MOB3B: variants seen among roughly 807,000 people sequenced by gnomAD.
The protein encoded by MOB3B is MOB kinase activator-like 2B.
A neutral mutation model predicts 18.7 loss-of-function variants in MOB3B; 7 were observed. The observed-to-expected ratio is 0.37, with a 90% CI of 0.21 to 0.70. The LOEUF (loss-of-function observed/expected upper bound fraction) is 0.70, where lower values mean the gene tolerates loss of function less well. Ranked by LOEUF, MOB3B falls within the 30% of genes least tolerant of loss-of-function variation. MOB3B has a pLI of 0.52. For synonymous variants in MOB3B, 111 were observed against 99.9 expected, an observed-to-expected ratio of 1.11 and a Z score of -0.66; for missense variants, 253 against 281.3, an observed-to-expected ratio of 0.90 and a Z score of 0.72.
rs935394738 is a variant in MOB3B, at chr9:27,329,169, A to G, written c.*1418T>C. ...TCTTTAATCATTATTACTTTAAAAT[A>G]CACTAATACATTCTTATCTACTTCC... On this transcript the variant is annotated 3_prime_UTR_variant, in exon 4 of 4. Transcript: ENST00000262244. 1 of 152,194 alleles carries G rather than the reference A, an allele frequency of 6.6e-6. No homozygotes were observed. The highest frequency in any genetic ancestry group is 1.5e-5 in the Non-Finnish European group (1 of 68,030). 9.4% of individuals were successfully genotyped at this position (152,194 alleles called of 1,614,324 possible).
chr9:27,423,397 T>C (rs1378167510), intron 2 of MOB3B, among the ~76,000 whole-genome samples: 1 of 121,514 alleles, frequency 8.2e-6, no homozygotes, highest in South Asian at 2.6e-4. Flanking sequence ...ATGGCAATAC[T>C]CTTTTTTTTT....
chr9:27,453,746 T>G lies in MOB3B; in HGVS notation c.418+1387A>C, dbSNP rs564166020. 2.6e-5 allele frequency among the ~76,000 whole-genome samples: 4 copies of G among 152,258 alleles called. No individual in the cohort carries two copies. In the South Asian group the frequency reaches 8.3e-4, roughly 32 times the overall value. On this transcript the variant is annotated intron_variant, in intron 2 of 3. Coordinates refer to ENST00000262244, the MANE Select transcript of MOB3B (RefSeq NM_024761.5). ...CTTGCCTACATTTATTTATCTTTATTGCTATTACATGTTCAGCATAGAGCA... is the reference window on the plus strand; with the variant it reads ...CTTGCCTACATTTATTTATCTTTATGGCTATTACATGTTCAGCATAGAGCA...
At chr9:27,332,436 C>T (rs1227539566) in intron 3 of MOB3B, among the ~76,000 whole-genome samples, 1 of 152,166 alleles carries the variant, frequency 6.6e-6, no homozygotes, top group African/African-American at 2.4e-5. Context: ...AGCTTTATAA[C>T]TTAATTATTT....
At chr9:27,526,482 C>T (rs3739527) in intron 1 of MOB3B, 1 of 152,162 alleles carries the variant, frequency 6.6e-6, no homozygotes, top group African/African-American at 2.4e-5. Context: ...AAAGTCTTTG[C>T]CTGTTCTCTC....
At chr9:27,377,573 C>A (rs1821507148) in intron 2 of MOB3B, among the ~76,000 whole-genome samples, 1 of 152,138 alleles carries the variant, frequency 6.6e-6, no homozygotes, top group South Asian at 2.1e-4. Flanking sequence ...CTGAGCTGCA[C>A]CCCCAGAGTT....
In MOB3B at chr9:27,326,385, T is replaced by C. The variant is rs1820712429; in HGVS notation, c.*4202A>G. Reference sequence around the variant, plus strand: ...AATGGATATGCAAATAAAGCTCTGATTAATTGTATTTTCACTTATTATATA... The same window carrying C: ...AATGGATATGCAAATAAAGCTCTGACTAATTGTATTTTCACTTATTATATA... On this transcript the variant is annotated 3_prime_UTR_variant, in exon 4 of 4. Transcript: ENST00000262244. 1 of 398,358 alleles carries C rather than the reference T, an allele frequency of 2.5e-6. No homozygotes were observed. Among genetic ancestry groups the C allele is most frequent in the Non-Finnish European group, 4.4e-6 (1 of 225,938 alleles). The allele number at this position is 398,358 out of a possible 1,614,324, so 24.7% of individuals were successfully genotyped here.
chr9:27,361,737 G>T (rs887704242), intron 2 of MOB3B, among the ~76,000 whole-genome samples: 6 of 152,194 alleles, frequency 3.9e-5, no homozygotes, highest in African/African-American at 1.2e-4. Flanking sequence ...GTCACCCAGC[G>T]GGGAAATAGT....
intron 2 of MOB3B, among the ~76,000 whole-genome samples, chr9:27,379,733 G>T (rs1821545593): frequency 6.6e-6 from 1 of 152,166 alleles, no homozygotes; most frequent in South Asian, 2.1e-4. Context: ...GGAAGCACCA[G>T]GAGAGTGAAA....
chr9:27,326,409 T>TA lies in MOB3B; in HGVS notation c.*4177dup. 1 of 398,536 alleles carries TA rather than the reference T, an allele frequency of 2.5e-6. No individual in the cohort carries two copies. Among genetic ancestry groups the TA allele is most frequent in the Non-Finnish European group, 4.4e-6 (1 of 226,000 alleles). 24.7% of individuals were successfully genotyped at this position (398,536 alleles called of 1,614,324 possible). ...ATTAATTGTATTTTCACTTATTATATATCATCTTTGGACCTTTCTAAAAGT... is the reference window on the plus strand; with the variant it reads ...ATTAATTGTATTTTCACTTATTATATAATCATCTTTGGACCTTTCTAAAAGT... On this transcript the variant is annotated 3_prime_UTR_variant, in exon 4 of 4. Transcript: ENST00000262244.
intron 2 of MOB3B, among the ~76,000 whole-genome samples, chr9:27,419,459 C>G (rs999847088): frequency 6.6e-6 from 1 of 152,132 alleles, no homozygotes; most frequent in Non-Finnish European, 1.5e-5. Flanking sequence ...AAAATAGGCA[C>G]ATACACCAAT....
intron 1 of MOB3B, among the ~76,000 whole-genome samples, chr9:27,477,438 C>T (rs1047322586): frequency 8.5e-5 from 13 of 152,332 alleles, no homozygotes; most frequent in Non-Finnish European, 1.2e-4. Context: ...TTTTCTTCAT[C>T]GCTCCAGCTG....
chr9:27,458,091 A>C (rs1819208816), intron 1 of MOB3B, among the ~76,000 whole-genome samples: 1 of 152,202 alleles, frequency 6.6e-6, no homozygotes, highest in African/African-American at 2.4e-5. Flanking sequence ...CTGACAGTAA[A>C]ACAGTAACCA....
At chr9:27,387,118 C>T (rs151138942) in intron 2 of MOB3B, among the ~76,000 whole-genome samples, 107 of 152,288 alleles carry the variant, frequency 7.0e-4, no homozygotes, top group African/African-American at 2.3e-3. Flanking sequence ...GCTGAGAAAA[C>T]TGAAGTTGGA....
chr9:27,348,931 A>C (rs1821069010), intron 3 of MOB3B, among the ~76,000 whole-genome samples: 9 of 152,238 alleles, frequency 5.9e-5, no homozygotes, highest in Admixed American at 5.9e-4. Flanking sequence ...GATGAGCAGG[A>C]CTTAAGCTGA....
intron 3 of MOB3B, among the ~76,000 whole-genome samples, chr9:27,357,149 T>TATA (rs1338116205): frequency 1.1e-4 from 5 of 44,364 alleles, no homozygotes; most frequent in Admixed American, 2.5e-4. Flanking sequence ...TATATATGTG[T>TATA]TTTTTTTTTT....
intron 3 of MOB3B, among the ~76,000 whole-genome samples, chr9:27,344,975 C>T (rs903937571): frequency 1.3e-5 from 2 of 152,218 alleles, no homozygotes; most frequent in African/African-American, 2.4e-5. Flanking sequence ...TGACACTGGT[C>T]GTGTCAAGTG....
intron 3 of MOB3B, among the ~76,000 whole-genome samples, chr9:27,351,693 G>A (rs1821107316): frequency 6.6e-6 from 1 of 152,202 alleles, no homozygotes; most frequent in Non-Finnish European, 1.5e-5. Context: ...TCATGCGAGA[G>A]GTTCTGCTTC....
intron 2 of MOB3B, among the ~76,000 whole-genome samples, chr9:27,437,332 T>G (rs28393385): frequency 0.33 from 49,906 of 151,942 alleles, 8,470 homozygotes; most frequent in African/African-American, 0.4. Flanking sequence ...AAAAGTAAAA[T>G]AGTTCTAATG....
intron 2 of MOB3B, among the ~76,000 whole-genome samples, chr9:27,387,944 C>A (rs1408953843): frequency 6.6e-6 from 1 of 151,702 alleles, no homozygotes; most frequent in East Asian, 2.0e-4. Context: ...ATGATTTTGC[C>A]CCCCACAGGC....
Sources: gnomAD v4.1 joint callset for allele counts (sites outside exome capture counted in the v4.1 genomes callset) on GRCh38, gnomAD v4.1.1 for gene constraint, MANE v1.5 for transcripts, NCBI Gene and HGNC (gene_info 2026-07-23, HGNC 2026-07-21) for gene names.